ANKRD16: variants seen among roughly 807,000 people sequenced by gnomAD.
The protein encoded by ANKRD16 is ankyrin repeat domain 16, also known as ankyrin repeat domain-containing protein 16.
A neutral mutation model predicts 37.9 loss-of-function variants in ANKRD16; 35 were observed. The observed-to-expected ratio is 0.92, with a 90% CI of 0.71 to 1.23. The LOEUF (loss-of-function observed/expected upper bound fraction) is 1.23, where lower values mean the gene tolerates loss of function less well. Among genes scored for constraint, ANKRD16 ranks in the 50% most tolerant of loss-of-function variants. ANKRD16 has a pLI of 0.00. For missense variants in ANKRD16, 480 were observed against 469.9 expected (o/e 1.02, Z -0.20); for synonymous variants, 206 against 197.2 (o/e 1.04, Z -0.37).
intron 1 of ANKRD16, 151 bp downstream of exon 1, chr10:5,888,890 T>C: frequency 1.3e-6 from 1 of 780,104 alleles, no homozygotes; most frequent in Non-Finnish European, 1.9e-6. Flanking sequence ...AAGGGAAAGT[T>C]GGGCAGGAGG....
At position 5,862,645 on chromosome 10, in the gene ANKRD16, G is replaced by T. The variant is rs1452208473; in HGVS notation, c.*80C>A. Reference sequence around the variant, plus strand: ...GGATGACTGAAGCAAGTTGCACTTGGCTTTCTCTGAGCCGAAAAACGAAAG... The same window carrying T: ...GGATGACTGAAGCAAGTTGCACTTGTCTTTCTCTGAGCCGAAAAACGAAAG... On this transcript the variant is annotated 3_prime_UTR_variant, in exon 8 of 8. Coordinates refer to ENST00000380094, the MANE Select transcript of ANKRD16 (RefSeq NM_019046.3). The surrounding 1 kb of genome is among the most constrained non-coding windows in gnomAD (Gnocchi z 6.5). The T allele has an allele frequency of 7.8e-7, 1 of 1,289,576 alleles. No individual in the cohort carries two copies. Among genetic ancestry groups the T allele is most frequent in the Non-Finnish European group, 1.0e-6 (1 of 988,872 alleles). 79.9% of individuals were successfully genotyped at this position (1,289,576 alleles called of 1,614,324 possible). A position where few individuals can be genotyped will look rare whatever the true frequency, so the allele number is the denominator to read the frequency against.
rs1030666670 is a variant in ANKRD16 at position 5,884,017 on chromosome 10, G to C, written c.639C>G (p.Ile213Met). 4 of 1,614,056 alleles carry C rather than the reference G, an allele frequency of 2.5e-6. No individual in the cohort carries two copies. Among genetic ancestry groups the C allele is most frequent in the Non-Finnish European group, 3.4e-6 (4 of 1,180,032 alleles). ...TAGCGACGTCGATGTGCCCACACTG[G>C]ATTGCGTCCATCAAGGCGGTGACGC... The part of the protein sequence containing the change: ...NCGVTALMDA[I>M]QCGHIDVARL... Residue 213 changes from isoleucine to methionine, a missense_variant, in exon 4 of 8, where the codon ATC becomes ATG. Physicochemically the swap from Ile to Met is conservative, Grantham distance 10. Transcript: ENST00000380094.
chr10:5,869,144 A>C lies in ANKRD16; in HGVS notation c.*34-6453T>G, dbSNP rs575728838. On this transcript the variant is annotated intron_variant, in intron 7 of 7. Coordinates refer to ENST00000380094, the MANE Select transcript of ANKRD16 (RefSeq NM_019046.3). This position sits in a 1 kb window ranked among gnomAD's most constrained non-coding sequence, Gnocchi z 4.0. ...AGTTTATGTGTGGCCCAAGACAATC[A>C]TTCTTCTTCCAATGTGGCCCAAGGG... Among the ~76,000 whole-genome samples, 1 of 152,208 alleles carries C rather than the reference A, an allele frequency of 6.6e-6. No individual in the cohort carries two copies. The highest frequency in any genetic ancestry group is 1.5e-5 in the Non-Finnish European group (1 of 68,004).
rs1044191975 is a variant in ANKRD16, at chr10:5,874,040, G to A, written c.*33+4057C>T. Among the ~76,000 whole-genome samples the A allele has an allele frequency of 2.6e-5, 4 of 151,996 alleles. No individual in the cohort carries two copies. Among genetic ancestry groups the A allele is most frequent in the Admixed American group, 2.6e-4 (4 of 15,250 alleles). On this transcript the variant is annotated intron_variant, in intron 7 of 7. Coordinates refer to ENST00000380094, the MANE Select transcript of ANKRD16 (RefSeq NM_019046.3). This position sits in a 1 kb window ranked among gnomAD's most constrained non-coding sequence, Gnocchi z 4.7. ...CAAGTAGCTGGGATTACAGGCGGGT[G>A]CCACCACGCCTGGCTAATTTTTGTA...
intron 5 of ANKRD16, among the ~76,000 whole-genome samples, chr10:5,881,410 T>C (rs1288690087): frequency 5.2e-5 from 7 of 135,440 alleles, no homozygotes; most frequent in South Asian, 4.7e-4. Flanking sequence ...ATTATTATAA[T>C]AAATATTTTA....
intron 1 of ANKRD16, 82 bp from the exon 2 acceptor site, chr10:5,888,149 T>C (rs1673627730): frequency 7.9e-7 from 1 of 1,267,560 alleles, no homozygotes; most frequent in Admixed American, 2.0e-5. Context: ...AACACACACA[T>C]CCTTGGCACA....
rs946399732 is a variant in ANKRD16, at chr10:5,871,178, G to C, written c.*33+6919C>G. Among the ~76,000 whole-genome samples the C allele has an allele frequency of 6.6e-6, 1 of 152,118 alleles. No homozygotes were observed. Among genetic ancestry groups the C allele is most frequent in the African/African-American group, 2.4e-5 (1 of 41,412 alleles). On this transcript the variant is annotated intron_variant, in intron 7 of 7. Transcript: ENST00000380094. The surrounding 1 kb of genome is among the most constrained non-coding windows in gnomAD (Gnocchi z 4.5). Reference sequence around the variant, plus strand: ...AAGGTGGGCGGATCACCTGAGGTTGGGAGTTCGAGACCAGCCTGACCAACA... The same window carrying C: ...AAGGTGGGCGGATCACCTGAGGTTGCGAGTTCGAGACCAGCCTGACCAACA...
At chr10:5,881,443 T>TAAATAAATAA (rs1564417914) in intron 5 of ANKRD16, among the ~76,000 whole-genome samples, 1 of 6,492 alleles carries the variant, frequency 1.5e-4, no homozygotes, top group African/African-American at 3.5e-4. Flanking sequence ...ATTATTTATA[T>TAAATAAATAA]ATATATATAT....
chr10:5,884,660 AG>A (rs1842385111), intron 3 of ANKRD16, among the ~76,000 whole-genome samples: 1 of 142,970 alleles, frequency 7.0e-6, no homozygotes. Context: ...TGAACCTGGG[AG>A]GTGGAGGTTG....
intron 5 of ANKRD16, among the ~76,000 whole-genome samples, chr10:5,882,011 T>C (rs1340344861): frequency 2.0e-5 from 3 of 151,812 alleles, no homozygotes; most frequent in Admixed American, 6.6e-5. Context: ...GACCCCGTGA[T>C]CCGCCCGCCT....
At chr10:5,882,674 A>G (rs1228874850) in intron 5 of ANKRD16, 1 of 174,262 alleles carries the variant, frequency 5.7e-6, no homozygotes, top group Non-Finnish European at 1.2e-5. Context: ...TAACTTCTGA[A>G]ATCCAGTATA....
In ANKRD16 at chr10:5,878,528, G is replaced by A. The variant is rs1226856569; in HGVS notation, c.929-241C>T. 6.6e-6 allele frequency among the ~76,000 whole-genome samples: 1 copy of A among 152,122 alleles called. No homozygotes were observed. Among genetic ancestry groups the A allele is most frequent in the Non-Finnish European group, 1.5e-5 (1 of 68,034 alleles). ...TAAGAAATTTATCTAGGCTGGGCGT[G>A]GTGGCTCATGCCTGTAATCCCAGCA... On this transcript the variant is annotated intron_variant, in intron 6 of 7. Transcript: ENST00000380094. The surrounding 1 kb of genome is among the most constrained non-coding windows in gnomAD (Gnocchi z 5.1).
At chr10:5,872,612 A>T (rs967483256) in intron 7 of ANKRD16, among the ~76,000 whole-genome samples, 1 of 152,068 alleles carries the variant, frequency 6.6e-6, no homozygotes, top group African/African-American at 2.4e-5. Flanking sequence ...GCTGGAGTGC[A>T]GTGGCGCGAT....
chr10:5,864,160 T>C lies in ANKRD16; in HGVS notation c.*34-1469A>G, dbSNP rs1333506638. Among the ~76,000 whole-genome samples the C allele has an allele frequency of 6.6e-6, 1 of 152,136 alleles. No individual in the cohort carries two copies. Among genetic ancestry groups the C allele is most frequent in the Admixed American group, 6.5e-5 (1 of 15,288 alleles). On this transcript the variant is annotated intron_variant, in intron 7 of 7. Coordinates refer to ENST00000380094, the MANE Select transcript of ANKRD16 (RefSeq NM_019046.3). The surrounding 1 kb of genome is among the most constrained non-coding windows in gnomAD (Gnocchi z 4.4). ...AGTGAAATACCTTATGTCCAAGCTT[T>C]CTTTTAAGGAGAATCCACAACTATG...
At position 5,880,366 on chromosome 10, in the gene ANKRD16, G is replaced by C. The variant is rs780713389; in HGVS notation, c.860C>G (p.Thr287Arg). The stretch of plus-strand genomic sequence containing the variant: ...GGATAAGAGAGTCTGAATTGTACTT[G>C]TATGTCCTTCCTGAATTGAAACAAA... Reference protein sequence around the residue: ...ALHYAAKEGHTSTIQTLLSLG... With the variant: ...ALHYAAKEGHRSTIQTLLSLG... The change falls in exon 6 of 8, where the codon ACA becomes AGA. Residue 287 changes from threonine (T) to arginine (R), a missense_variant. Thr to Arg is a moderately conservative substitution (Grantham distance 71). Transcript: ENST00000380094. 1 of 1,597,054 alleles carries C rather than the reference G, an allele frequency of 6.3e-7. No individual in the cohort carries two copies. Among genetic ancestry groups the C allele is most frequent in the Non-Finnish European group, 8.5e-7 (1 of 1,173,550 alleles).
At chr10:5,882,823 A>G in intron 5 of ANKRD16, 183 bp downstream of exon 5, 1 of 594,992 alleles carries the variant, frequency 1.7e-6, no homozygotes, top group Admixed American at 3.7e-5. Context: ...TCTAGCAACA[A>G]ATTCAAGTCA....
chr10:5,880,197 A>ATGG, intron 6 of ANKRD16, 101 bp downstream of exon 6: 1 of 317,342 alleles, frequency 3.2e-6, no homozygotes, highest in Non-Finnish European at 5.3e-6. Flanking sequence ...AAAAAAAAAA[A>ATGG]AAAAAAAGGA....
intron 3 of ANKRD16, 111 bp downstream of exon 3, chr10:5,885,612 G>T: frequency 1.7e-6 from 2 of 1,148,140 alleles, no homozygotes; most frequent in Non-Finnish European, 2.5e-6. Flanking sequence ...TTTTTCTTTT[G>T]AAAGCCTAAT....
At position 5,878,749 on chromosome 10, in the gene ANKRD16, G is replaced by C. The variant is rs1018674902; in HGVS notation, c.929-462C>G. On this transcript the variant is annotated intron_variant, in intron 6 of 7. Transcript: ENST00000380094. This position sits in a 1 kb window ranked among gnomAD's most constrained non-coding sequence, Gnocchi z 5.1. ...GGAGGTGGCGGTTGCAGTGAGCACT[G>C]CACGCCAGCCTGGGTGACAGAGCAA... Among the ~76,000 whole-genome samples, 5 of 150,096 alleles carry C rather than the reference G, an allele frequency of 3.3e-5. No homozygotes were observed. Among genetic ancestry groups the C allele is most frequent in the African/African-American group, 9.8e-5 (4 of 40,710 alleles).
Sources: gnomAD v4.1 joint callset for allele counts (sites outside exome capture counted in the v4.1 genomes callset) on GRCh38, gnomAD v4.1.1 for gene constraint, Gnocchi (gnomAD v3.1) non-coding constraint, MANE v1.5 for transcripts, NCBI Gene and HGNC (gene_info 2026-07-23, HGNC 2026-07-21) for gene names.